Variants in ABCB11 observed in about 807,000 individuals in gnomAD.
ABCB11 encodes the protein ATP binding cassette subfamily B member 11.
A neutral mutation model predicts 148.0 loss-of-function variants in ABCB11; 95 were observed. The observed-to-expected ratio is 0.64, with a 90% CI of 0.54 to 0.76. The LOEUF (loss-of-function observed/expected upper bound fraction) is 0.76. ABCB11 is among the 30% of genes least tolerant of loss of function. The pLI is 0.00. For missense variants in ABCB11, 1,523 were observed against 1,617.8 expected, an observed-to-expected ratio of 0.94 and a Z score of 1.01; for synonymous variants, 591 against 555.4, an observed-to-expected ratio of 1.06 and a Z score of -0.90.
intron 16 of ABCB11, 131 bp downstream of exon 16, chr2:168,969,219 C>T (rs1693458865): frequency 2.5e-6 from 2 of 813,648 alleles, no homozygotes; most frequent in Admixed American, 5.4e-5. Flanking sequence ...CAGTTGTTTC[C>T]TTTACCATCT....
At chr2:168,949,598 G>T (rs923108476) in intron 19 of ABCB11, among the ~76,000 whole-genome samples, 1 of 151,562 alleles carries the variant, frequency 6.6e-6, no homozygotes, top group African/African-American at 2.4e-5. Flanking sequence ...ATCCTCTGTT[G>T]ATAAAAATTT....
chr2:168,963,886 C>T lies in ABCB11; in HGVS notation c.2178+320G>A, dbSNP rs566224948. 5.3e-5 allele frequency among the ~76,000 whole-genome samples: 8 copies of T among 151,932 alleles called. No individual in the cohort carries two copies. The South Asian group carries it at 1.7e-3, about 31-fold the overall frequency. On this transcript the variant is annotated intron_variant, in intron 18 of 27. Coordinates refer to ENST00000650372, the MANE Select transcript of ABCB11 (RefSeq NM_003742.4). ...AACAACTTTTATAAAAGGATTTCTA[C>T]ATATGAGCAAATAATCTGCTAAATA...
At chr2:169,026,441 T>G (rs1368062760) in intron 1 of ABCB11, among the ~76,000 whole-genome samples, 1 of 152,166 alleles carries the variant, frequency 6.6e-6, no homozygotes, top group Non-Finnish European at 1.5e-5. Flanking sequence ...CTGTGATGAT[T>G]TTTGAAGGCC....
At position 168,923,928 on chromosome 2, in the gene ABCB11, C is replaced by T. The variant is rs930081998; in HGVS notation, c.3766-106G>A. On this transcript the variant is annotated intron_variant, in intron 27 of 27. Coordinates refer to ENST00000650372, the MANE Select transcript of ABCB11 (RefSeq NM_003742.4). ...ACCTGAATAACAATCCTATACTTGA[C>T]GGCAAACCCAAAGGCTCAACATAAG... 6.3e-5 allele frequency: 66 copies of T among 1,054,358 alleles called. 1 individual carries two copies. The highest frequency in any genetic ancestry group is 2.8e-4 in the East Asian group (11 of 39,656). 65.3% of individuals were successfully genotyped at this position (1,054,358 alleles called of 1,614,324 possible).
At chr2:168,929,925 TAA>T (rs1691490107) in intron 25 of ABCB11, among the ~76,000 whole-genome samples, 1 of 152,136 alleles carries the variant, frequency 6.6e-6, no homozygotes. Context: ...TTTAAAGACA[TAA>T]AAGTCACCAT....
intron 1 of ABCB11, among the ~76,000 whole-genome samples, chr2:169,029,737 T>A (rs1317381884): frequency 9.0e-6 from 1 of 111,058 alleles, no homozygotes; most frequent in East Asian, 3.2e-4. Context: ...TTTTTTTTTT[T>A]TTTTTTTTTT....
chr2:168,987,653 A>T (rs559019360), intron 9 of ABCB11, among the ~76,000 whole-genome samples: 1 of 151,704 alleles, frequency 6.6e-6, no homozygotes, highest in East Asian at 2.0e-4. Flanking sequence ...CTGGTCTCAA[A>T]CTCCTGGCCT....
intron 10 of ABCB11, among the ~76,000 whole-genome samples, chr2:168,983,639 G>C (rs185014605): frequency 3.9e-5 from 6 of 152,060 alleles, no homozygotes; most frequent in African/African-American, 1.4e-4. Context: ...AATAAAGTCC[G>C]TGGTTTGGAA....
intron 26 of ABCB11, 36 bp from the exon 27 acceptor site, chr2:168,924,839 C>T: frequency 1.3e-6 from 2 of 1,591,106 alleles, no homozygotes. Flanking sequence ...GAAATAGAAA[C>T]AGTTATTGCT....
At chr2:168,970,259 T>C (rs936878893) in intron 14 of ABCB11, 44 bp from the exon 15 acceptor site, 2 of 1,586,976 alleles carry the variant, frequency 1.3e-6, no homozygotes, top group Admixed American at 3.6e-5. Flanking sequence ...AAGAATTTGA[T>C]GGCTTCTGAC....
intron 7 of ABCB11, 53 bp downstream of exon 7, chr2:168,995,296 G>T (rs1694677033): frequency 1.3e-6 from 2 of 1,536,250 alleles, no homozygotes; most frequent in African/African-American, 2.8e-5. Context: ...TAGAAACAAG[G>T]GTTTTATTAT....
chr2:169,012,919 GA>G (rs1695233065), intron 5 of ABCB11, among the ~76,000 whole-genome samples: 1 of 152,012 alleles, frequency 6.6e-6, no homozygotes, highest in African/African-American at 2.4e-5. Flanking sequence ...TGGTGGGGGG[GA>G]AAAATAGAAC....
chr2:168,975,062 TATAG>T (rs1178345646), intron 12 of ABCB11, among the ~76,000 whole-genome samples: 4 of 141,214 alleles, frequency 2.8e-5, no homozygotes, highest in Admixed American at 7.3e-5. Context: ...AGATATAAAA[TATAG>T]ATAAATATAT....
At chr2:169,001,686 T>C (rs1308859441) in intron 5 of ABCB11, among the ~76,000 whole-genome samples, 2 of 152,180 alleles carry the variant, frequency 1.3e-5, no homozygotes, top group Non-Finnish European at 2.9e-5. Context: ...AGAGCAATTA[T>C]TGCTTAGAAG....
At chr2:168,970,262 C>A (rs1445692557) in intron 14 of ABCB11, 47 bp from the exon 15 acceptor site, 8 of 1,582,974 alleles carry the variant, frequency 5.1e-6, no homozygotes, top group Non-Finnish European at 6.9e-6. Context: ...AATTTGATGG[C>A]TTCTGACAGT....
chr2:169,000,437 A>G (rs955680364), intron 5 of ABCB11, among the ~76,000 whole-genome samples: 1 of 152,262 alleles, frequency 6.6e-6, no homozygotes, highest in Middle Eastern at 3.4e-3. Flanking sequence ...TTTGTTACAT[A>G]TAAGTCCATG....
At chr2:169,001,893 C>T (rs1694885166) in intron 5 of ABCB11, among the ~76,000 whole-genome samples, 1 of 152,056 alleles carries the variant, frequency 6.6e-6, no homozygotes, top group Non-Finnish European at 1.5e-5. Flanking sequence ...AGCCAGTTGA[C>T]TTTTTCCCCC....
intron 1 of ABCB11, among the ~76,000 whole-genome samples, chr2:169,019,747 T>C (rs1695483751): frequency 6.6e-6 from 1 of 152,126 alleles, no homozygotes; most frequent in Non-Finnish European, 1.5e-5. Context: ...CATATTCAAA[T>C]ATAAAGAACA....
intron 1 of ABCB11, among the ~76,000 whole-genome samples, chr2:169,024,911 C>A (rs540610298): frequency 6.6e-6 from 1 of 152,092 alleles, no homozygotes; most frequent in Non-Finnish European, 1.5e-5. Flanking sequence ...ACTAAAGGAA[C>A]CAGATTCAAA....
Sources: gnomAD v4.1 joint callset for allele counts (sites outside exome capture counted in the v4.1 genomes callset) on GRCh38, gnomAD v4.1.1 for gene constraint, MANE v1.5 for transcripts, NCBI Gene and HGNC (gene_info 2026-07-23, HGNC 2026-07-21) for gene names.